NOL7: variants seen among roughly 807,000 people sequenced by gnomAD.
NOL7 encodes the protein nucleolar protein 7.
Under a neutral mutation model 38.4 loss-of-function variants are expected in NOL7, and 36 were observed. That is an observed-to-expected ratio of 0.94 (90% CI 0.72 to 1.24). The LOEUF is 1.24. Ranked by LOEUF, NOL7 falls within the 50% of genes most tolerant of loss-of-function variation. The pLI, the probability that NOL7 is intolerant of heterozygous loss-of-function variation, is 0.00. For missense variants in NOL7, 350 were observed against 315.1 expected (o/e 1.11, Z -0.84); for synonymous variants, 142 against 126.5 (o/e 1.12, Z -0.82).
At chr6:13,625,862 C>A, downstream of NOL7, 1 of 822,050 alleles carries the variant, frequency 1.2e-6, no homozygotes, top group African/African-American at 1.7e-5. Flanking sequence ...CTTCCAGGCA[C>A]AGACTAATAA....
chr6:13,622,604 C>G (rs1035964664), downstream of NOL7: 1 of 1,131,268 alleles, frequency 8.8e-7, no homozygotes, highest in East Asian at 2.7e-5. Flanking sequence ...CCATACCACT[C>G]TGAAATATCA....
chr6:13,620,672 A>G, intron 7 of NOL7, 82 bp from the exon 8 acceptor site: 16 of 1,017,722 alleles, frequency 1.6e-5, no homozygotes, highest in Non-Finnish European at 2.3e-5. Flanking sequence ...CAGTTTTAGT[A>G]ATTACATTCA....
chr6:13,627,454 ACC>A (rs1445767993), intron 8 of NOL7, among the ~76,000 whole-genome samples: 1 of 151,742 alleles, frequency 6.6e-6, no homozygotes, highest in African/African-American at 2.4e-5. Flanking sequence ...ACATGGTGAA[ACC>A]CCATCTCCAC....
At chr6:13,622,099 T>G, downstream of NOL7, 1 of 238,450 alleles carries the variant, frequency 4.2e-6, no homozygotes, top group Non-Finnish European at 7.8e-6. Flanking sequence ...TTTTAAAGGA[T>G]TTGTGATGAT....
downstream of NOL7, chr6:13,625,592 C>A: frequency 8.3e-7 from 1 of 1,210,830 alleles, no homozygotes; most frequent in Non-Finnish European, 1.2e-6. Flanking sequence ...CCAGTACAAA[C>A]ACCCTCTCTT....
intron 8 of NOL7, among the ~76,000 whole-genome samples, chr6:13,631,971 C>A (rs1046903176): frequency 1.3e-5 from 2 of 152,142 alleles, no homozygotes; most frequent in Non-Finnish European, 2.9e-5. Context: ...ACAACATTTA[C>A]TAAAATGAGA....
chr6:13,618,152 T>C lies in NOL7; in HGVS notation c.500+13T>C, dbSNP rs1283528658. 3.3e-5 allele frequency: 48 copies of C among 1,434,840 alleles called. No homozygotes were observed. The highest frequency in any genetic ancestry group is 4.7e-5 in the Non-Finnish European group (48 of 1,025,790). The allele number at this position is 1,434,840 out of a possible 1,614,324, so 88.9% of individuals were successfully genotyped here. On this transcript the variant is annotated intron_variant, in intron 5 of 7. Transcript: ENST00000451315. ...TACAGTCTGTCAGGTAATGAGTCTT[T>C]TGTTTCATTTGGGATGTAAAGGAGA...
At position 13,615,748 on chromosome 6, in the gene NOL7, C is replaced by T. The variant is rs765808289; in HGVS notation, c.303C>T (p.Arg101=). 13 of 1,613,736 alleles carry T rather than the reference C, an allele frequency of 8.1e-6. No individual in the cohort carries two copies. In the Admixed American group the frequency reaches 1.8e-4, roughly 23 times the overall value. ...KTLLKEKRKR[R]EELFIEQKKR... The stretch of plus-strand genomic sequence containing the variant: ...TCCTGAAGGAGAAGAGGAAGCGACG[C>T]GAGGAGCTGTTCATCGAACAGAAGG... The change falls in exon 2 of 8, where the codon CGC becomes CGT. Residue 101 remains arginine (R), a synonymous_variant. Transcript: ENST00000451315.
chr6:13,615,987 G>T (rs576280646), intron 2 of NOL7, among the ~76,000 whole-genome samples: 1 of 151,642 alleles, frequency 6.6e-6, no homozygotes, highest in East Asian at 1.9e-4. Context: ...CTGGAGCCGA[G>T]ATCACACCAC....
At chr6:13,616,565 T>TAAGTATATATATATATATATA in intron 3 of NOL7, 44 bp downstream of exon 3, 2 of 1,298,680 alleles carry the variant, frequency 1.5e-6, no homozygotes. Flanking sequence ...TATACACCCA[T>TAAGTATATATATATATATATA]CTTTGAATTA....
chr6:13,632,379 T>A, intron 8 of NOL7: 1 of 1,607,272 alleles, frequency 6.2e-7, no homozygotes, highest in Non-Finnish European at 8.5e-7. Flanking sequence ...CCTTCAACAT[T>A]TTTTTGTTTG....
intron 3 of NOL7, among the ~76,000 whole-genome samples, 167 bp from the exon 4 acceptor site, chr6:13,617,603 T>G (rs1764324221): frequency 1.3e-5 from 2 of 152,222 alleles, no homozygotes; most frequent in Admixed American, 1.3e-4. Context: ...GGCAGTGTAC[T>G]AGGGAGTGAC....
chr6:13,615,472 G>C lies in NOL7; in HGVS notation c.114G>C (p.Gly38=), dbSNP rs1450748398. ...EEEAEHGLLL[G]QPSSGAAAEP... ...AGGCGGAGCACGGGCTGTTGCTCGGGCAGCCCAGCAGCGGCGCGGCCGCCG... is the reference window on the plus strand; with the variant it reads ...AGGCGGAGCACGGGCTGTTGCTCGGCCAGCCCAGCAGCGGCGCGGCCGCCG... The change falls in exon 1 of 8, where the codon GGG becomes GGC. Residue 38 remains glycine, a synonymous_variant. Coordinates refer to ENST00000451315, the MANE Select transcript of NOL7 (RefSeq NM_016167.5). 2 of 1,551,080 alleles carry C rather than the reference G, an allele frequency of 1.3e-6. No individual in the cohort carries two copies. Among genetic ancestry groups the C allele is most frequent in the Admixed American group, 3.9e-5 (2 of 51,042 alleles).
At chr6:13,629,581 C>T (rs1764717607) in intron 8 of NOL7, among the ~76,000 whole-genome samples, 1 of 152,132 alleles carries the variant, frequency 6.6e-6, no homozygotes, top group African/African-American at 2.4e-5. Flanking sequence ...TAGGGTGACT[C>T]TAAATGGTTC....
intron 3 of NOL7, among the ~76,000 whole-genome samples, chr6:13,617,375 C>G (rs537519786): frequency 4.6e-5 from 7 of 152,324 alleles, no homozygotes; most frequent in African/African-American, 1.7e-4. Context: ...TGTTCCCTGT[C>G]TCCTGTGCCT....
intron 6 of NOL7, 27 bp downstream of exon 6, chr6:13,620,356 C>G (rs568933817): frequency 6.2e-7 from 1 of 1,613,636 alleles, no homozygotes; most frequent in East Asian, 2.2e-5. Context: ...CTATTTTTCT[C>G]ACTTTTTACT....
At chr6:13,618,556 T>G (rs1764351464) in intron 5 of NOL7, among the ~76,000 whole-genome samples, 1 of 152,196 alleles carries the variant, frequency 6.6e-6, no homozygotes, top group Non-Finnish European at 1.5e-5. Context: ...CGGGAAAATA[T>G]TTTAATTAGT....
chr6:13,627,001 C>T (rs1764627283), intron 8 of NOL7, among the ~76,000 whole-genome samples: 1 of 152,212 alleles, frequency 6.6e-6, no homozygotes, highest in African/African-American at 2.4e-5. Context: ...ACACGTGCCT[C>T]TACGCAAACA....
At chr6:13,619,847 G>A (rs941987366) in intron 5 of NOL7, among the ~76,000 whole-genome samples, 3 of 152,302 alleles carry the variant, frequency 2.0e-5, no homozygotes. Flanking sequence ...TGAGACAAAT[G>A]ATAAAAATAT....
Sources: gnomAD v4.1 joint callset for allele counts (sites outside exome capture counted in the v4.1 genomes callset) on GRCh38, gnomAD v4.1.1 for gene constraint, MANE v1.5 for transcripts, NCBI Gene and HGNC (gene_info 2026-07-23, HGNC 2026-07-21) for gene names.